SNX29: variants seen among roughly 807,000 people sequenced by gnomAD.
SNX29 encodes sorting nexin 29.
A neutral mutation model predicts 102.1 loss-of-function variants in SNX29; 78 were observed. The ratio of observed to expected loss-of-function variants is 0.76; its 90% CI spans 0.64 to 0.92. SNX29 has a LOEUF of 0.92. SNX29 is among the 40% of genes least tolerant of loss of function. SNX29 has a pLI of 0.00. For missense variants in SNX29, 1,280 were observed against 1,061.7 expected (o/e 1.21, Z -2.86); for synonymous variants, 580 against 414.5 (o/e 1.40, Z -4.85).
chr16:12,079,426 C>T (rs760964227), intron 11 of SNX29, among the ~76,000 whole-genome samples: 7 of 152,116 alleles, frequency 4.6e-5, no homozygotes, highest in African/African-American at 7.2e-5. Flanking sequence ...TGTAAACTGA[C>T]GGGTGCTCCT....
Position 12,196,178 on chromosome 16 carries a change from G to T in SNX29, c.1596-3423G>T, listed in dbSNP as rs896522699. 3.9e-5 allele frequency among the ~76,000 whole-genome samples: 6 copies of T among 152,012 alleles called. No individual in the cohort carries two copies. In the East Asian group the frequency reaches 9.7e-4, roughly 25 times the overall value. ...TTTTGTAGAGATGGGGTTTCACCAT[G>T]TTGCCCAGGCTGTTGTCCTGGGCTC... On this transcript the variant is annotated intron_variant, in intron 13 of 20. Coordinates refer to ENST00000566228, the MANE Select transcript of SNX29 (RefSeq NM_032167.5).
chr16:12,189,564 A>C (rs2076592699), intron 13 of SNX29, among the ~76,000 whole-genome samples: 1 of 152,074 alleles, frequency 6.6e-6, no homozygotes, highest in South Asian at 2.1e-4. Flanking sequence ...TCCATTCCTG[A>C]TGTTAACTTT....
intron 19 of SNX29, among the ~76,000 whole-genome samples, chr16:12,515,234 T>A (rs893650877): frequency 7.2e-5 from 11 of 152,212 alleles, no homozygotes; most frequent in African/African-American, 2.7e-4. Flanking sequence ...TTTGTCACAC[T>A]GTTTTGTAAT....
intron 18 of SNX29, among the ~76,000 whole-genome samples, chr16:12,451,023 C>G (rs748043033): frequency 6.6e-6 from 1 of 152,254 alleles, no homozygotes; most frequent in Non-Finnish European, 1.5e-5. Context: ...GACCATGGCT[C>G]TGCACAGAAT....
intron 3 of SNX29, among the ~76,000 whole-genome samples, chr16:12,003,585 A>G (rs2056362736): frequency 6.6e-6 from 1 of 152,210 alleles, no homozygotes; most frequent in Admixed American, 6.5e-5. Flanking sequence ...GTTAGATAGC[A>G]CCTCTGGCCA....
intron 20 of SNX29, among the ~76,000 whole-genome samples, chr16:12,548,042 G>C (rs114360426): frequency 1.3e-5 from 2 of 152,140 alleles, no homozygotes; most frequent in Non-Finnish European, 2.9e-5. Context: ...GGTAAGGCAA[G>C]CACCACCCCT....
chr16:12,457,696 C>T (rs565574272), intron 18 of SNX29, among the ~76,000 whole-genome samples: 13 of 152,324 alleles, frequency 8.5e-5, no homozygotes, highest in African/African-American at 2.6e-4. Context: ...TAGCCTCTGC[C>T]GTGGTGCTTT....
intron 11 of SNX29, among the ~76,000 whole-genome samples, chr16:12,121,870 C>G (rs113179583): frequency 0.046 from 6,987 of 152,270 alleles, 375 homozygotes; most frequent in African/African-American, 0.12. Flanking sequence ...GCGATCTTGG[C>G]TCACTGCAAC....
intron 19 of SNX29, among the ~76,000 whole-genome samples, chr16:12,490,661 T>C (rs546108356): frequency 6.6e-6 from 1 of 152,312 alleles, no homozygotes; most frequent in East Asian, 1.9e-4. Flanking sequence ...TGATGATTTT[T>C]TAAAGAAAGA....
At chr16:12,456,659 C>T (rs893751871) in intron 18 of SNX29, among the ~76,000 whole-genome samples, 5 of 151,562 alleles carry the variant, frequency 3.3e-5, no homozygotes, top group Admixed American at 2.6e-4. Context: ...TGAAGGGATA[C>T]GTGTGTGAGT....
chr16:12,544,870 C>G (rs1413096306), intron 20 of SNX29, among the ~76,000 whole-genome samples: 1 of 152,224 alleles, frequency 6.6e-6, no homozygotes, highest in Non-Finnish European at 1.5e-5. Context: ...AGTGTCAACA[C>G]AGCCCCTGGC....
chr16:11,987,190 A>G (rs1168082330), intron 1 of SNX29, among the ~76,000 whole-genome samples: 1 of 150,978 alleles, frequency 6.6e-6, no homozygotes, highest in East Asian at 2.0e-4. Context: ...TCAGCTCCCC[A>G]GGAGGCTGGG....
intron 15 of SNX29, among the ~76,000 whole-genome samples, chr16:12,338,579 CAGAA>C (rs1307828031): frequency 8.5e-5 from 13 of 152,308 alleles, no homozygotes; most frequent in African/African-American, 3.1e-4. Flanking sequence ...AACTGAGTCT[CAGAA>C]AGGCTGTGTA....
chr16:12,100,260 G>C (rs2052955531), intron 11 of SNX29, among the ~76,000 whole-genome samples: 1 of 152,190 alleles, frequency 6.6e-6, no homozygotes, highest in South Asian at 2.1e-4. Flanking sequence ...CCTTTGGATT[G>C]GATCATCCTT....
intron 1 of SNX29, among the ~76,000 whole-genome samples, chr16:11,988,407 T>G (rs1337412938): frequency 6.6e-6 from 1 of 152,234 alleles, no homozygotes; most frequent in Non-Finnish European, 1.5e-5. Context: ...AAGATATTCT[T>G]TCTTTTTTGA....
chr16:12,328,724 A>G (rs1432480089), intron 15 of SNX29, among the ~76,000 whole-genome samples: 1 of 152,036 alleles, frequency 6.6e-6, no homozygotes, highest in Non-Finnish European at 1.5e-5. Context: ...GCTAAGTCTT[A>G]TTTTCATCTG....
intron 13 of SNX29, among the ~76,000 whole-genome samples, chr16:12,154,474 T>G (rs6498266): frequency 6.6e-6 from 1 of 151,938 alleles, no homozygotes; most frequent in South Asian, 2.1e-4. Context: ...CCTAATTACA[T>G]ACGTGTGTGT....
At chr16:12,361,591 C>T (rs923869229) in intron 16 of SNX29, among the ~76,000 whole-genome samples, 3 of 152,114 alleles carry the variant, frequency 2.0e-5, no homozygotes, top group Non-Finnish European at 4.4e-5. Flanking sequence ...AAAGCTGAGA[C>T]TCAGAAATGA....
intron 4 of SNX29, among the ~76,000 whole-genome samples, chr16:12,033,919 C>T (rs2057408446): frequency 6.6e-6 from 1 of 152,132 alleles, no homozygotes. Flanking sequence ...TTGCAAGATA[C>T]CTGGCCACCT....
Sources: gnomAD v4.1 joint callset for allele counts (sites outside exome capture counted in the v4.1 genomes callset) on GRCh38, gnomAD v4.1.1 for gene constraint, MANE v1.5 for transcripts, NCBI Gene and HGNC (gene_info 2026-07-23, HGNC 2026-07-21) for gene names.